MCTP1: variants seen among roughly 807,000 people sequenced by gnomAD.
The protein encoded by MCTP1 is multiple C2 and transmembrane domain containing 1.
Under a neutral mutation model 120.6 loss-of-function variants are expected in MCTP1, and 69 were observed. That is an observed-to-expected ratio of 0.57 (90% CI 0.47 to 0.70). MCTP1 has a LOEUF of 0.70. MCTP1 is among the 30% of genes least tolerant of loss of function. The probability of loss-of-function intolerance (pLI) is 0.00; values close to 1 mark genes in which losing one functional copy is unlikely to be tolerated. For missense variants in MCTP1, 1,203 were observed against 1,248.8 expected (o/e 0.96, Z 0.55); for synonymous variants, 529 against 493.1 (o/e 1.07, Z -0.96).
chr5:94,975,204 C>T (rs560460901), intron 2 of MCTP1, among the ~76,000 whole-genome samples: 2 of 152,084 alleles, frequency 1.3e-5, no homozygotes, highest in South Asian at 4.1e-4. Flanking sequence ...AGGGGCACAG[C>T]ATGTGTTATG....
intron 17 of MCTP1, among the ~76,000 whole-genome samples, chr5:94,853,041 G>C (rs544332279): frequency 7.9e-5 from 12 of 152,056 alleles, no homozygotes; most frequent in African/African-American, 2.9e-4. Flanking sequence ...AATGTAAAAA[G>C]ATGGATCACT....
intron 17 of MCTP1, among the ~76,000 whole-genome samples, chr5:94,855,137 C>T (rs945847035): frequency 2.0e-5 from 3 of 151,852 alleles, no homozygotes; most frequent in Admixed American, 1.3e-4. Context: ...AGACTTCCCT[C>T]GGAAATATAA....
intron 2 of MCTP1, among the ~76,000 whole-genome samples, chr5:94,977,601 A>T (rs1439861756): frequency 1.3e-5 from 2 of 152,188 alleles, no homozygotes; most frequent in Admixed American, 1.3e-4. Context: ...TTAAAACAGC[A>T]TGGTACTGTG....
intron 12 of MCTP1, among the ~76,000 whole-genome samples, chr5:94,882,047 T>C (rs1052163636): frequency 6.6e-6 from 1 of 152,174 alleles, no homozygotes; most frequent in Non-Finnish European, 1.5e-5. Context: ...CTAAAGTCTT[T>C]TCTTTATTCT....
chr5:94,917,741 T>C (rs1810453698), intron 8 of MCTP1, among the ~76,000 whole-genome samples, 155 bp downstream of exon 8: 1 of 152,202 alleles, frequency 6.6e-6, no homozygotes, highest in Non-Finnish European at 1.5e-5. Context: ...GTTAGTTACA[T>C]TATTCCTTGA....
chr5:94,977,839 T>C (rs1025893989), intron 2 of MCTP1, among the ~76,000 whole-genome samples: 4 of 152,104 alleles, frequency 2.6e-5, no homozygotes, highest in African/African-American at 9.7e-5. Flanking sequence ...ATATAAGTCA[T>C]GAAACTATAA....
intron 17 of MCTP1, among the ~76,000 whole-genome samples, chr5:94,836,531 C>T (rs1789828339): frequency 6.6e-6 from 1 of 152,132 alleles, no homozygotes; most frequent in South Asian, 2.1e-4. Context: ...CTGAAATCAA[C>T]TTAGATTCTT....
At chr5:94,975,201 C>A (rs754476263) in intron 2 of MCTP1, among the ~76,000 whole-genome samples, 2 of 151,992 alleles carry the variant, frequency 1.3e-5, no homozygotes, top group Non-Finnish European at 2.9e-5. Context: ...AAGAGGGGCA[C>A]AGCATGTGTT....
intron 1 of MCTP1, among the ~76,000 whole-genome samples, chr5:95,164,425 G>T (rs1299589724): frequency 3.9e-5 from 6 of 152,096 alleles, no homozygotes; most frequent in African/African-American, 1.4e-4. Flanking sequence ...AAAACATTTG[G>T]TCAGAAACAA....
chr5:94,919,358 C>T (rs149273229), intron 7 of MCTP1, among the ~76,000 whole-genome samples: 9 of 151,786 alleles, frequency 5.9e-5, no homozygotes, highest in Admixed American at 2.6e-4. Context: ...TTATTTTTCT[C>T]GTTGTGATTT....
chr5:95,225,196 A>C (rs1167829505), intron 1 of MCTP1, among the ~76,000 whole-genome samples: 1 of 152,206 alleles, frequency 6.6e-6, no homozygotes, highest in Admixed American at 6.5e-5. Flanking sequence ...TGGATTCTCC[A>C]TGGACTCAGC....
intron 19 of MCTP1, among the ~76,000 whole-genome samples, chr5:94,724,300 C>T (rs1211672796): frequency 6.6e-6 from 1 of 152,014 alleles, no homozygotes; most frequent in Non-Finnish European, 1.5e-5. Flanking sequence ...GGCTGGAGTG[C>T]AGTGGCTCCA....
In MCTP1 at chr5:95,196,708, A is replaced by AT. The variant is rs1750438249; in HGVS notation, c.720+87147dup. Among the ~76,000 whole-genome samples the AT allele has an allele frequency of 1.3e-5, 2 of 152,224 alleles. 1 individual carries two copies. Among genetic ancestry groups the AT allele is most frequent in the South Asian group, 4.1e-4 (2 of 4,828 alleles). ...CCTTAACAGGAGCAGTTTGGTTGGC[A>AT]TGAGGGCTGTGGATAGCTGCAGGGG... is the stretch of plus-strand genomic sequence containing the variant. On this transcript the variant is annotated intron_variant, in intron 1 of 22. Transcript: ENST00000515393.
intron 1 of MCTP1, among the ~76,000 whole-genome samples, chr5:95,272,562 C>T (rs1759493503): frequency 6.6e-6 from 1 of 152,150 alleles, no homozygotes; most frequent in South Asian, 2.1e-4. Flanking sequence ...GGCAAATGCT[C>T]AGCAGGAAAA....
At chr5:94,935,980 T>C (rs1273408109) in intron 5 of MCTP1, among the ~76,000 whole-genome samples, 2 of 152,060 alleles carry the variant, frequency 1.3e-5, no homozygotes, top group Non-Finnish European at 2.9e-5. Flanking sequence ...CTCTGATTTT[T>C]AACCAAGAAA....
Position 94,919,957 on chromosome 5 carries a change from C to T in MCTP1, c.1273-1984G>A, listed in dbSNP as rs190334958. 2.5e-3 allele frequency among the ~76,000 whole-genome samples: 377 copies of T among 152,334 alleles called. 1 individual carries two copies. Among genetic ancestry groups the T allele is most frequent in the Non-Finnish European group, 3.7e-3 (254 of 68,018 alleles). On this transcript the variant is annotated intron_variant, in intron 7 of 22. Coordinates refer to ENST00000515393, the MANE Select transcript of MCTP1 (RefSeq NM_024717.7). Reference sequence around the variant, plus strand: ...CCTTTTTTTCTTAGAAGATGATTTACTGGCACCATAATCCTTAGCGAAATT... The same window carrying T: ...CCTTTTTTTCTTAGAAGATGATTTATTGGCACCATAATCCTTAGCGAAATT...
rs776008584 is a variant in MCTP1, at chr5:94,885,368, G to A, written c.1933+3511C>T. ...GGAAAATGAAATGAAGGGGAGGGGC[G>A]GAGGAGAAGAACTCTTTTCTCCTTC... On this transcript the variant is annotated intron_variant, in intron 12 of 22. Coordinates refer to ENST00000515393, the MANE Select transcript of MCTP1 (RefSeq NM_024717.7). 4.0e-5 allele frequency among the ~76,000 whole-genome samples: 6 copies of A among 151,564 alleles called. No individual in the cohort carries two copies. In the South Asian group the frequency reaches 1.0e-3, roughly 26 times the overall value.
At chr5:95,208,918 C>T (rs772884473) in intron 1 of MCTP1, among the ~76,000 whole-genome samples, 2 of 152,064 alleles carry the variant, frequency 1.3e-5, no homozygotes, top group Non-Finnish European at 2.9e-5. Context: ...ATTTACCATT[C>T]CTTCCTTCTT....
intron 11 of MCTP1, among the ~76,000 whole-genome samples, chr5:94,893,656 G>C (rs1481334047): frequency 6.6e-6 from 1 of 152,174 alleles, no homozygotes; most frequent in Non-Finnish European, 1.5e-5. Flanking sequence ...ATATTGTAGA[G>C]CATTAGTACC....
Sources: allele counts gnomAD v4.1 joint callset (sites outside exome capture counted in the v4.1 genomes callset), GRCh38; gene constraint gnomAD v4.1.1; transcripts MANE v1.5; gene names NCBI Gene and HGNC (gene_info 2026-07-23, HGNC 2026-07-21).